The following GRIK3 variants were observed in gnomAD, a reference collection of about 807,000 sequenced individuals.
The protein encoded by GRIK3 is glutamate ionotropic receptor kainate type subunit 3.
A neutral mutation model predicts 102.5 loss-of-function variants in GRIK3; 29 were observed. That is an observed-to-expected ratio of 0.28 (90% CI 0.21 to 0.39). GRIK3 has a LOEUF of 0.39. Ranked by LOEUF, GRIK3 falls within the 10% of genes least tolerant of loss-of-function variation. The pLI is 1.00. For synonymous variants in GRIK3, 511 were observed against 504.9 expected (o/e 1.01, Z -0.16); for missense variants, 908 against 1,252.4 (o/e 0.73, Z 4.15).
Position 36,796,685 on chromosome 1 carries a change from G to A in GRIK3, c.*5166C>T, listed in dbSNP as rs912407864. 1.3e-5 allele frequency: 2 copies of A among 152,264 alleles called. No homozygotes were observed. Among genetic ancestry groups the A allele is most frequent in the Non-Finnish European group, 2.9e-5 (2 of 68,078 alleles). The allele number at this position is 152,264 out of a possible 1,614,324, so 9.4% of individuals were successfully genotyped here. A position where few individuals can be genotyped will look rare whatever the true frequency, so the allele number is the denominator to read the frequency against. On this transcript the variant is annotated 3_prime_UTR_variant, in exon 16 of 16. Coordinates refer to ENST00000373091, the MANE Select transcript of GRIK3 (RefSeq NM_000831.4). ...TTCTCTTTAACAAGTGCTTTCCCTAGTTGTGAGCTGTGTTGTGTGCAAGTT... is the reference window on the plus strand; with the variant it reads ...TTCTCTTTAACAAGTGCTTTCCCTAATTGTGAGCTGTGTTGTGTGCAAGTT...
intron 1 of GRIK3, among the ~76,000 whole-genome samples, chr1:37,012,181 T>C (rs1488829496): frequency 6.6e-6 from 1 of 152,198 alleles, no homozygotes; most frequent in Non-Finnish European, 1.5e-5. Context: ...CCATTGCCTA[T>C]TGAGTTTTCA....
chr1:36,956,764 G>A (rs376778480), intron 1 of GRIK3, among the ~76,000 whole-genome samples: 53 of 152,240 alleles, frequency 3.5e-4, no homozygotes, highest in East Asian at 1.3e-3. Context: ...GCCAACAATT[G>A]ACTCTGGGGG....
chr1:37,001,112 C>A (rs78970849), intron 1 of GRIK3, among the ~76,000 whole-genome samples: 1 of 152,204 alleles, frequency 6.6e-6, no homozygotes, highest in Non-Finnish European at 1.5e-5. Context: ...TCATTCAGAA[C>A]TTAAAGAATC....
chr1:36,942,101 T>C (rs1330175075), intron 1 of GRIK3, among the ~76,000 whole-genome samples: 2 of 152,126 alleles, frequency 1.3e-5, no homozygotes, highest in Non-Finnish European at 2.9e-5. Context: ...CAGCCTGGGG[T>C]TGGGAGACCT....
At chr1:36,843,654 C>G (rs1640486932) in intron 9 of GRIK3, among the ~76,000 whole-genome samples, 1 of 152,194 alleles carries the variant, frequency 6.6e-6, no homozygotes, top group South Asian at 2.1e-4. Context: ...CATCCCAGAG[C>G]CTGTTCCTGG....
chr1:36,847,677 T>A (rs959784303), intron 9 of GRIK3, among the ~76,000 whole-genome samples: 3 of 152,204 alleles, frequency 2.0e-5, no homozygotes, highest in Admixed American at 6.5e-5. Flanking sequence ...ATGAAGTAGG[T>A]GCAGTTATTA....
At chr1:36,954,692 T>C (rs1182857182) in intron 1 of GRIK3, among the ~76,000 whole-genome samples, 1 of 152,104 alleles carries the variant, frequency 6.6e-6, no homozygotes, top group Non-Finnish European at 1.5e-5. Context: ...CACATACATA[T>C]GCATACACAG....
At chr1:36,937,220 C>T (rs892348790) in intron 1 of GRIK3, among the ~76,000 whole-genome samples, 20 of 152,148 alleles carry the variant, frequency 1.3e-4, no homozygotes, top group African/African-American at 4.8e-4. Context: ...AAGTCCTATC[C>T]TTGGAGCACA....
chr1:36,920,235 G>A (rs1641451859), intron 1 of GRIK3, among the ~76,000 whole-genome samples: 2 of 152,170 alleles, frequency 1.3e-5, no homozygotes, highest in South Asian at 2.1e-4. Flanking sequence ...CTATTGTGGT[G>A]CAGTTCTTGT....
rs142896564 is a variant in GRIK3, at chr1:36,992,399, G to T, written c.115+41595C>A. Among the ~76,000 whole-genome samples, 605 of 152,274 alleles carry T rather than the reference G, an allele frequency of 4.0e-3. 3 individuals carry two copies. Among genetic ancestry groups the T allele is most frequent in the African/African-American group, 0.014 (575 of 41,560 alleles). On this transcript the variant is annotated intron_variant, in intron 1 of 15. Coordinates refer to ENST00000373091, the MANE Select transcript of GRIK3 (RefSeq NM_000831.4). ...CAGCCTGAGGGCAACAGGGAGGCAT[G>T]GAATGACTGGAAGCAGAAGAGGGCC...
intron 1 of GRIK3, among the ~76,000 whole-genome samples, chr1:36,975,902 G>C (rs993277802): frequency 1.3e-5 from 2 of 152,216 alleles, no homozygotes; most frequent in Non-Finnish European, 2.9e-5. Context: ...TAGCAGGTGG[G>C]AAGTGTTAAT....
At chr1:36,891,616 CT>C (rs1354234153) in intron 1 of GRIK3, among the ~76,000 whole-genome samples, 14 of 152,148 alleles carry the variant, frequency 9.2e-5, no homozygotes, top group Admixed American at 5.2e-4. Context: ...TTCCTTGAAA[CT>C]TTTTTAGCTT....
chr1:36,870,244 C>A (rs1344414246), intron 4 of GRIK3, among the ~76,000 whole-genome samples: 1 of 152,134 alleles, frequency 6.6e-6, no homozygotes, highest in Non-Finnish European at 1.5e-5. Flanking sequence ...CCCTGCTAAC[C>A]CCCTGGCCTA....
intron 1 of GRIK3, among the ~76,000 whole-genome samples, chr1:36,949,349 G>A (rs892776280): frequency 5.3e-5 from 8 of 152,058 alleles, no homozygotes; most frequent in Admixed American, 3.3e-4. Flanking sequence ...CCCTCACTCT[G>A]TCTCTTTCAA....
chr1:36,952,267 G>T (rs1468706429), intron 1 of GRIK3, among the ~76,000 whole-genome samples: 1 of 152,176 alleles, frequency 6.6e-6, no homozygotes, highest in Non-Finnish European at 1.5e-5. Context: ...GTCCGTTAGG[G>T]CCTCCTCCTG....
intron 1 of GRIK3, among the ~76,000 whole-genome samples, chr1:37,007,236 T>C (rs1642542293): frequency 6.6e-6 from 1 of 152,258 alleles, no homozygotes; most frequent in Non-Finnish European, 1.5e-5. Flanking sequence ...GTGCTGTTAT[T>C]ACGCCCATTT....
chr1:36,873,726 C>T (rs985374955), intron 3 of GRIK3, among the ~76,000 whole-genome samples: 1 of 152,082 alleles, frequency 6.6e-6, no homozygotes, highest in Non-Finnish European at 1.5e-5. Context: ...AGGAGGGGTC[C>T]ATCGTCAGCT....
At position 36,890,942 on chromosome 1, in the gene GRIK3, G is replaced by C; in HGVS notation, c.270C>G (p.Asp90Glu). The C allele has an allele frequency of 6.2e-7, 1 of 1,612,882 alleles. No individual in the cohort carries two copies. Among genetic ancestry groups the C allele is most frequent in the Non-Finnish European group, 8.5e-7 (1 of 1,179,206 alleles). Reference sequence around the variant, plus strand: ...CACCCTTTTTGGTCGCCTCGAAGCTGTCATGGAAGTGAATCCTCTGTATGT... The same window carrying C: ...CACCCTTTTTGGTCGCCTCGAAGCTCTCATGGAAGTGAATCCTCTGTATGT... ...TYDIQRIHFH[D>E]SFEATKKACD... Residue 90 changes from aspartate (D) to glutamate (E), a missense_variant, in exon 2 of 16, where the codon GAC (aspartate) becomes GAG (glutamate). Physicochemically the swap from Asp to Glu is conservative, Grantham distance 45. Transcript: ENST00000373091.
intron 1 of GRIK3, among the ~76,000 whole-genome samples, chr1:37,006,713 C>T (rs981203576): frequency 1.1e-4 from 17 of 152,204 alleles, no homozygotes; most frequent in Admixed American, 5.9e-4. Flanking sequence ...CTGCGGGCGC[C>T]GCAGAGTGAG....
Sources: allele counts gnomAD v4.1 joint callset (sites outside exome capture counted in the v4.1 genomes callset), GRCh38; gene constraint gnomAD v4.1.1; transcripts MANE v1.5; gene names NCBI Gene and HGNC (gene_info 2026-07-23, HGNC 2026-07-21).